The following EPB41L3 variants were observed in gnomAD, a reference collection of about 807,000 sequenced individuals.
EPB41L3 encodes erythrocyte membrane protein band 4.1 like 3.
In EPB41L3, 57 loss-of-function variants were observed where a neutral mutation model predicts 127.1. The observed-to-expected ratio is 0.45, with a 90% CI of 0.36 to 0.56. EPB41L3 has a LOEUF of 0.56. Ranked by LOEUF, EPB41L3 falls within the 20% of genes least tolerant of loss-of-function variation. EPB41L3 has a pLI of 0.00. For synonymous variants in EPB41L3, 572 were observed against 549.5 expected (o/e 1.04, Z -0.57); for missense variants, 1,273 against 1,372.2 (o/e 0.93, Z 1.14).
At chr18:5,536,719 G>A (rs912707960) in intron 1 of EPB41L3, among the ~76,000 whole-genome samples, 2 of 152,054 alleles carry the variant, frequency 1.3e-5, no homozygotes, top group Admixed American at 6.5e-5. Context: ...GGCTGAGGCA[G>A]GAGACTCGCT....
chr18:5,447,787 C>A (rs916835393), intron 3 of EPB41L3, among the ~76,000 whole-genome samples: 2 of 152,230 alleles, frequency 1.3e-5, no homozygotes, highest in African/African-American at 4.8e-5. Flanking sequence ...CTGGCTCTCA[C>A]TTTTCTGGTT....
Position 5,477,373 on chromosome 18 carries a change from G to A in EPB41L3, c.381+868C>T, listed in dbSNP as rs76796022. Among the ~76,000 whole-genome samples, 585 of 152,288 alleles carry A rather than the reference G, an allele frequency of 3.8e-3. 5 individuals are homozygous for A. The highest frequency in any genetic ancestry group is 0.013 in the African/African-American group (560 of 41,556). The stretch of plus-strand genomic sequence containing the variant: ...ACTCTGAAAGCACAGTGGAATGAAG[G>A]GGGAGAGGGGCTGGCTTGGAGATGT... On this transcript the variant is annotated intron_variant, in intron 3 of 22. Coordinates refer to ENST00000341928, the MANE Select transcript of EPB41L3 (RefSeq NM_012307.5).
At chr18:5,472,103 C>G (rs1032764834) in intron 3 of EPB41L3, among the ~76,000 whole-genome samples, 2 of 152,014 alleles carry the variant, frequency 1.3e-5, no homozygotes, top group Non-Finnish European at 1.5e-5. Context: ...CTTGTCTACA[C>G]TCATGATGGA....
At chr18:5,500,907 G>A (rs981421844) in intron 1 of EPB41L3, among the ~76,000 whole-genome samples, 1 of 152,136 alleles carries the variant, frequency 6.6e-6, no homozygotes, top group African/African-American at 2.4e-5. Context: ...TATCTCTGTG[G>A]TTACCTCCTA....
intron 1 of EPB41L3, among the ~76,000 whole-genome samples, chr18:5,539,928 CT>C (rs2149033554): frequency 6.6e-6 from 1 of 152,184 alleles, no homozygotes; most frequent in South Asian, 2.1e-4. Context: ...TATGAAACAC[CT>C]TTTTCCATTT....
intron 1 of EPB41L3, among the ~76,000 whole-genome samples, chr18:5,499,097 T>C (rs2091483422): frequency 6.9e-6 from 1 of 145,706 alleles, no homozygotes; most frequent in Non-Finnish European, 1.5e-5. Flanking sequence ...TAAAGGAAGC[T>C]AGTCACTCGG....
At chr18:5,403,633 A>G (rs1377450086) in intron 16 of EPB41L3, among the ~76,000 whole-genome samples, 1 of 151,024 alleles carries the variant, frequency 6.6e-6, no homozygotes, top group Non-Finnish European at 1.5e-5. Context: ...TTGGGAAGTC[A>G]TAAGTTTGGG....
chr18:5,527,779 C>G (rs1164093266), intron 1 of EPB41L3, among the ~76,000 whole-genome samples: 1 of 152,142 alleles, frequency 6.6e-6, no homozygotes, highest in Non-Finnish European at 1.5e-5. Context: ...GCCGAGGGCT[C>G]GGCAAGTCCA....
At chr18:5,513,115 T>C (rs528326030) in intron 1 of EPB41L3, among the ~76,000 whole-genome samples, 1 of 151,316 alleles carries the variant, frequency 6.6e-6, no homozygotes, top group East Asian at 2.0e-4. Flanking sequence ...CTGATTCTCC[T>C]CTTTCCAGGC....
chr18:5,572,975 G>A (rs1213793888), intron 3 of EPB41L3, among the ~76,000 whole-genome samples: 1 of 152,134 alleles, frequency 6.6e-6, no homozygotes, highest in Non-Finnish European at 1.5e-5. Context: ...GTTGAGAGCT[G>A]GGCATAAAAG....
At chr18:5,464,109 G>A (rs2084527450) in intron 3 of EPB41L3, among the ~76,000 whole-genome samples, 1 of 151,926 alleles carries the variant, frequency 6.6e-6, no homozygotes, top group Non-Finnish European at 1.5e-5. Flanking sequence ...CTCTTCATCT[G>A]CCCCAACAAT....
chr18:5,603,747 G>T (rs2143848689), intron 3 of EPB41L3, among the ~76,000 whole-genome samples: 1 of 152,156 alleles, frequency 6.6e-6, no homozygotes, highest in Admixed American at 6.5e-5. Context: ...CTGGCATGGT[G>T]GTACGTGCTT....
chr18:5,436,700 G>A (rs1363478985), intron 6 of EPB41L3, among the ~76,000 whole-genome samples: 2 of 152,118 alleles, frequency 1.3e-5, no homozygotes, highest in African/African-American at 4.8e-5. Flanking sequence ...GCGCCACCGT[G>A]CCTGGCCCAC....
At chr18:5,524,517 C>T (rs770270883) in intron 1 of EPB41L3, among the ~76,000 whole-genome samples, 31 of 152,290 alleles carry the variant, frequency 2.0e-4, no homozygotes, top group Non-Finnish European at 3.2e-4. Context: ...TACTATAGTA[C>T]ACAGCTAACA....
chr18:5,571,599 A>C (rs1330128728), intron 3 of EPB41L3, among the ~76,000 whole-genome samples: 1 of 152,230 alleles, frequency 6.6e-6, no homozygotes, highest in Non-Finnish European at 1.5e-5. Flanking sequence ...ATAAAGGTTA[A>C]GCGACCTGAG....
intron 16 of EPB41L3, among the ~76,000 whole-genome samples, chr18:5,405,485 G>T (rs558938998): frequency 6.6e-6 from 1 of 152,170 alleles, no homozygotes; most frequent in African/African-American, 2.4e-5. Context: ...CACAATGGGA[G>T]CCCTGAAGTA....
At chr18:5,602,006 T>A (rs1018747865) in intron 3 of EPB41L3, among the ~76,000 whole-genome samples, 1 of 152,124 alleles carries the variant, frequency 6.6e-6, no homozygotes, top group African/African-American at 2.4e-5. Context: ...TCTCCAGCCA[T>A]TTATTGCCTA....
intron 1 of EPB41L3, among the ~76,000 whole-genome samples, chr18:5,508,766 C>CAAAAAAAAAAAAAAAAAAAAAAAAAAAA (rs397969769): frequency 1.9e-5 from 1 of 52,596 alleles, no homozygotes; most frequent in African/African-American, 6.1e-5. Flanking sequence ...GACTCCATCT[C>CAAAAAAAAAAAAAAAAAAAAAAAAAAAA]AAAAAAAAAA....
At chr18:5,596,104 T>C (rs945973112) in intron 3 of EPB41L3, among the ~76,000 whole-genome samples, 2 of 152,248 alleles carry the variant, frequency 1.3e-5, no homozygotes, top group African/African-American at 4.8e-5. Flanking sequence ...GTGTCCATCC[T>C]CTGAATATTT....
Sources: gnomAD v4.1 joint callset for allele counts (sites outside exome capture counted in the v4.1 genomes callset) on GRCh38, gnomAD v4.1.1 for gene constraint, MANE v1.5 for transcripts, NCBI Gene and HGNC (gene_info 2026-07-23, HGNC 2026-07-21) for gene names.